FUBP3: variants seen among roughly 807,000 people sequenced by gnomAD.
FUBP3 encodes the protein far upstream element binding protein 3.
A neutral mutation model predicts 85.6 loss-of-function variants in FUBP3; 28 were observed. That is an observed-to-expected ratio of 0.33 (90% CI 0.24 to 0.45). The LOEUF (loss-of-function observed/expected upper bound fraction) is 0.45, where lower values mean the gene tolerates loss of function less well. Among genes scored for constraint, FUBP3 ranks in the 20% least tolerant of loss-of-function variants. The pLI, the probability that FUBP3 is intolerant of heterozygous loss-of-function variation, is 1.00. For missense variants in FUBP3, 583 were observed against 755.1 expected, an observed-to-expected ratio of 0.77 and a Z score of 2.67; for synonymous variants, 271 against 271.4, an observed-to-expected ratio of 1.00 and a Z score of 0.01.
At chr9:130,582,325 C>T (rs1260590827) in intron 1 of FUBP3, among the ~76,000 whole-genome samples, 1 of 151,876 alleles carries the variant, frequency 6.6e-6, no homozygotes, top group Non-Finnish European at 1.5e-5. Context: ...GGTGGCCCAC[C>T]CCTGCAGTCT....
Position 130,636,063 on chromosome 9 carries a change from A to G in FUBP3, c.1647A>G (p.Glu549=), listed in dbSNP as rs779982945. 27 of 1,613,788 alleles carry G rather than the reference A, an allele frequency of 1.7e-5. No individual in the cohort carries two copies. Among genetic ancestry groups the G allele is most frequent in the Non-Finnish European group, 2.3e-5 (27 of 1,179,912 alleles). Residue 549 remains glutamate (E), a synonymous_variant, in exon 18 of 19, where the codon GAA becomes GAG. Coordinates refer to ENST00000319725, the MANE Select transcript of FUBP3 (RefSeq NM_003934.2). ...SPPDYTMAWA[E]YYRQQVAFYG... is the part of the protein sequence containing the mutation. ...CGGACTACACAATGGCCTGGGCAGAATATTACAGACAGCAGGTCGCTTTCT... is the reference window on the plus strand; with the variant it reads ...CGGACTACACAATGGCCTGGGCAGAGTATTACAGACAGCAGGTCGCTTTCT...
At chr9:130,624,348 A>T (rs945079952) in intron 11 of FUBP3, among the ~76,000 whole-genome samples, 3 of 152,212 alleles carry the variant, frequency 2.0e-5, no homozygotes, top group African/African-American at 7.2e-5. Context: ...AGTGCTCTCT[A>T]TGTGATCCCC....
At chr9:130,605,908 C>CGGGAGGCGGAGGTTGCA (rs199692900) in intron 2 of FUBP3, among the ~76,000 whole-genome samples, 14,805 of 152,058 alleles carry the variant, frequency 0.097, 953 homozygotes, top group Middle Eastern at 0.22. Context: ...CGCACGAACC[C>CGGGAGGCGGAGGTTGCA]GGGAGGCGGA....
At chr9:130,579,843 G>T in intron 1 of FUBP3, 79 bp downstream of exon 1, 1 of 871,558 alleles carries the variant, frequency 1.1e-6, no homozygotes, top group Non-Finnish European at 1.5e-6. Flanking sequence ...TTCGGGCCTG[G>T]GGGGCGGGAG....
At position 130,602,159 on chromosome 9, in the gene FUBP3, A is replaced by T. The variant is rs182405021; in HGVS notation, c.190+6571A>T. Among the ~76,000 whole-genome samples the T allele has an allele frequency of 5.3e-5, 8 of 152,292 alleles. No homozygotes were observed. In the East Asian group the frequency reaches 1.4e-3, roughly 26 times the overall value. On this transcript the variant is annotated intron_variant, in intron 2 of 18. Transcript: ENST00000319725. ...TAGCATGTGTATCCACACTGTATAC[A>T]CTACCCACTCACCAATGTATAGGAA...
chr9:130,626,192 C>A (rs542045430), intron 11 of FUBP3, 172 bp from the exon 12 acceptor site: 4 of 635,942 alleles, frequency 6.3e-6, no homozygotes, highest in South Asian at 4.1e-5. Context: ...CACCTGTGAT[C>A]GGTGTTAATT....
intron 1 of FUBP3, among the ~76,000 whole-genome samples, chr9:130,589,705 A>ATTTTTTTTTT (rs779633795): frequency 1.9e-4 from 14 of 73,810 alleles, no homozygotes; most frequent in African/African-American, 7.7e-4. Flanking sequence ...ATATATATAT[A>ATTTTTTTTTT]TTTTTTTTTT....
intron 16 of FUBP3, among the ~76,000 whole-genome samples, chr9:130,633,297 G>A (rs1271562618): frequency 1.3e-5 from 2 of 152,216 alleles, no homozygotes; most frequent in East Asian, 3.8e-4. Flanking sequence ...TCTGCAGTGA[G>A]CACCCACAAG....
intron 16 of FUBP3, among the ~76,000 whole-genome samples, chr9:130,633,639 G>A (rs544861829): frequency 6.6e-6 from 1 of 152,190 alleles, no homozygotes. Flanking sequence ...GTGGAGAACC[G>A]GTTTGGGTTG....
chr9:130,592,541 G>A (rs1044680232), intron 1 of FUBP3, among the ~76,000 whole-genome samples: 2 of 151,986 alleles, frequency 1.3e-5, no homozygotes. Flanking sequence ...GATCTTGTTT[G>A]TTGTTTTCTG....
rs771603581 is a variant in FUBP3 at position 130,623,763 on chromosome 9, G to A, written c.975+52G>A. On this transcript the variant is annotated intron_variant, in intron 11 of 18. Coordinates refer to ENST00000319725, the MANE Select transcript of FUBP3 (RefSeq NM_003934.2). ...TGTTTGGGCTGCAGAAGTGGAAAGT[G>A]CTACCCGGGGCTCTCGGTGCAGCAC... 6 of 1,214,462 alleles carry A rather than the reference G, an allele frequency of 4.9e-6. No homozygotes were observed. The Admixed American group carries it at 6.9e-5, about 14-fold the overall frequency. The allele number at this position is 1,214,462 out of a possible 1,614,324, so 75.2% of individuals were successfully genotyped here. A position where few individuals can be genotyped will look rare whatever the true frequency, so the allele number is the denominator to read the frequency against.
intron 2 of FUBP3, among the ~76,000 whole-genome samples, chr9:130,598,536 C>T (rs1376011044): frequency 6.6e-6 from 1 of 152,206 alleles, no homozygotes; most frequent in African/African-American, 2.4e-5. Context: ...GTATGATTGC[C>T]TCGAAAAGGT....
intron 9 of FUBP3, 129 bp downstream of exon 9, chr9:130,620,587 T>A: frequency 2.0e-6 from 1 of 490,104 alleles, no homozygotes; most frequent in Non-Finnish European, 3.6e-6. Context: ...ATTCTCTGGC[T>A]CCTTAGGGTG....
At position 130,616,295 on chromosome 9, in the gene FUBP3, T is replaced by G. The variant is rs1275314888; in HGVS notation, c.405-60T>G. On this transcript the variant is annotated intron_variant, in intron 6 of 18. Coordinates refer to ENST00000319725, the MANE Select transcript of FUBP3 (RefSeq NM_003934.2). The surrounding 1 kb of genome is among the most constrained non-coding windows in gnomAD (Gnocchi z 4.7). ...TTTCCCTCAGTGCTATTTCCCTGTC[T>G]TGCACACTTAGAGCCTCCATTTAAT... 1 of 1,548,044 alleles carries G rather than the reference T, an allele frequency of 6.5e-7. No individual in the cohort carries two copies. The highest frequency in any genetic ancestry group is 1.4e-5 in the African/African-American group (1 of 73,600).
Position 130,637,104 on chromosome 9 carries a change from A to T in FUBP3, c.*82A>T. On this transcript the variant is annotated 3_prime_UTR_variant, in exon 19 of 19. Transcript: ENST00000319725. ...TGTAACAGAGGTTTTTACATTTGCA[A>T]ACCTTTTGATGAAGAACTGTTGTTT... 1 of 1,114,856 alleles carries T rather than the reference A, an allele frequency of 9.0e-7. No homozygotes were observed. Among genetic ancestry groups the T allele is most frequent in the Admixed American group, 1.7e-5 (1 of 59,296 alleles). The allele number at this position is 1,114,856 out of a possible 1,614,324, so 69.1% of individuals were successfully genotyped here.
At position 130,636,332 on chromosome 9, in the gene FUBP3, A is replaced by C. The variant is rs1331519663; in HGVS notation, c.1710+206A>C. ...GCTCTGGAGAAAAAGAGTTTAGGCC[A>C]AGTGGGAGGATTGGGGGCGCAGCCC... On this transcript the variant is annotated intron_variant, in intron 18 of 18. Coordinates refer to ENST00000319725, the MANE Select transcript of FUBP3 (RefSeq NM_003934.2). The C allele has an allele frequency of 1.3e-5, 9 of 674,682 alleles. No homozygotes were observed. In the Admixed American group the frequency reaches 2.0e-4, roughly 15 times the overall value. The allele number at this position is 674,682 out of a possible 1,614,324, so 41.8% of individuals were successfully genotyped here.
In FUBP3 at chr9:130,616,344, C is replaced by T; in HGVS notation, c.405-11C>T. ...ATGCTGGTTCTCTTGTGGTTCTTTT[C>T]CCTCCCAAAGACAAGCCAAACGGCT... On this transcript the variant is annotated splice_polypyrimidine_tract_variant and intron_variant, in intron 6 of 18. Transcript: ENST00000319725. This position sits in a 1 kb window ranked among gnomAD's most constrained non-coding sequence, Gnocchi z 4.7. 19 of 1,613,698 alleles carry T rather than the reference C, an allele frequency of 1.2e-5. No homozygotes were observed. Among genetic ancestry groups the T allele is most frequent in the Non-Finnish European group, 1.6e-5 (19 of 1,179,678 alleles).
chr9:130,590,987 CTTTTTA>C (rs1830597696), intron 1 of FUBP3, among the ~76,000 whole-genome samples: 1 of 146,610 alleles, frequency 6.8e-6, no homozygotes, highest in Non-Finnish European at 1.5e-5. Context: ...GTTTCTGCCA[CTTTTTA>C]TTTTTGTTTT....
chr9:130,592,360 A>T (rs923301214), intron 1 of FUBP3, among the ~76,000 whole-genome samples: 2 of 152,158 alleles, frequency 1.3e-5, no homozygotes, highest in Non-Finnish European at 2.9e-5. Context: ...TCACTCTGAG[A>T]TGAGTGTGGC....
Sources: gnomAD v4.1 joint callset for allele counts (sites outside exome capture counted in the v4.1 genomes callset) on GRCh38, gnomAD v4.1.1 for gene constraint, Gnocchi (gnomAD v3.1) non-coding constraint, MANE v1.5 for transcripts, NCBI Gene and HGNC (gene_info 2026-07-23, HGNC 2026-07-21) for gene names.